FAR2: variants seen among roughly 807,000 people sequenced by gnomAD.
FAR2 encodes fatty acyl-CoA reductase 2, also known as epididymis secretory protein Li 81.
Under a neutral mutation model 56.0 loss-of-function variants are expected in FAR2, and 19 were observed. The ratio of observed to expected loss-of-function variants is 0.34; its 90% CI spans 0.24 to 0.50. FAR2 has a LOEUF of 0.50. Among genes scored for constraint, FAR2 ranks in the 20% least tolerant of loss-of-function variants. The pLI is 0.98. For missense variants in FAR2, 508 were observed against 642.2 expected, an observed-to-expected ratio of 0.79 and a Z score of 2.26; for synonymous variants, 219 against 218.8, an observed-to-expected ratio of 1.00 and a Z score of -0.01.
At chr12:29,204,357 T>G (rs1376644252) in intron 1 of FAR2, among the ~76,000 whole-genome samples, 3 of 152,054 alleles carry the variant, frequency 2.0e-5, no homozygotes, top group Admixed American at 6.5e-5. Flanking sequence ...ACATATAAAA[T>G]GAAACAATGC....
intron 1 of FAR2, among the ~76,000 whole-genome samples, chr12:29,199,609 A>AG (rs1276445102): frequency 2.5e-5 from 2 of 79,372 alleles, no homozygotes; most frequent in South Asian, 3.7e-4. Flanking sequence ...CAAAAAAAAA[A>AG]AAAAAAGAAA....
chr12:29,290,477 G>T (rs1948947774), intron 2 of FAR2, among the ~76,000 whole-genome samples: 1 of 151,772 alleles, frequency 6.6e-6, no homozygotes, highest in Non-Finnish European at 1.5e-5. Flanking sequence ...AATACCATAT[G>T]ATCCAGCAGT....
chr12:29,157,883 A>G (rs961653643), intron 1 of FAR2, among the ~76,000 whole-genome samples: 8 of 152,226 alleles, frequency 5.3e-5, no homozygotes, highest in Admixed American at 1.3e-4. Context: ...AAGAAACCAA[A>G]AGAATCTGCC....
intron 1 of FAR2, among the ~76,000 whole-genome samples, chr12:29,198,511 G>A (rs1947364165): frequency 2.0e-5 from 3 of 152,284 alleles, no homozygotes; most frequent in East Asian, 1.9e-4. Context: ...TCAGGTGTGA[G>A]CCACCGCGCC....
intron 4 of FAR2, among the ~76,000 whole-genome samples, chr12:29,303,619 T>A (rs1211778589): frequency 1.3e-5 from 2 of 152,150 alleles, no homozygotes; most frequent in Non-Finnish European, 2.9e-5. Context: ...CTTATCACAG[T>A]CCTCTGGGAG....
intron 1 of FAR2, among the ~76,000 whole-genome samples, chr12:29,198,562 C>T (rs773358091): frequency 2.0e-4 from 30 of 152,156 alleles, no homozygotes; most frequent in Admixed American, 1.5e-3. Context: ...ATCATACCAT[C>T]TTCCCTTTAT....
At chr12:29,178,955 G>A (rs899506683) in intron 1 of FAR2, among the ~76,000 whole-genome samples, 4 of 152,098 alleles carry the variant, frequency 2.6e-5, no homozygotes. Flanking sequence ...TTCCTTCTGA[G>A]GGCCATCGGG....
chr12:29,323,308 T>G (rs573760762), intron 10 of FAR2, among the ~76,000 whole-genome samples: 1 of 152,326 alleles, frequency 6.6e-6, no homozygotes, highest in East Asian at 1.9e-4. Context: ...CTCTGTAGGC[T>G]CCACCTCTGG....
At chr12:29,303,935 G>A (rs1405115355) in intron 4 of FAR2, among the ~76,000 whole-genome samples, 1 of 152,168 alleles carries the variant, frequency 6.6e-6, no homozygotes, top group Non-Finnish European at 1.5e-5. Flanking sequence ...TCAGCATCTG[G>A]CTCATGTTTG....
intron 1 of FAR2, among the ~76,000 whole-genome samples, chr12:29,203,378 AAGAAGTATTACC>A (rs1185670906): frequency 6.6e-6 from 1 of 152,182 alleles, no homozygotes; most frequent in African/African-American, 2.4e-5. Flanking sequence ...CTCCTTTGCA[AAGAAGTATTACC>A]TAGTTGAGAG....
chr12:29,236,709 G>A (rs545262596), intron 1 of FAR2, among the ~76,000 whole-genome samples: 16 of 152,244 alleles, frequency 1.1e-4, no homozygotes, highest in East Asian at 3.9e-4. Flanking sequence ...TCCCTCCCTC[G>A]ACACCTGGGG....
intron 10 of FAR2, among the ~76,000 whole-genome samples, chr12:29,332,114 T>C (rs1019787010): frequency 6.6e-6 from 1 of 152,146 alleles, no homozygotes; most frequent in Non-Finnish European, 1.5e-5. Flanking sequence ...TGGTAACTTA[T>C]TCCTTAAGGC....
At chr12:29,298,492 T>C (rs1180729249) in intron 4 of FAR2, among the ~76,000 whole-genome samples, 2 of 152,200 alleles carry the variant, frequency 1.3e-5, no homozygotes, top group African/African-American at 4.8e-5. Context: ...TGAGAATAGA[T>C]ATTTTTGTCT....
At chr12:29,186,584 C>A (rs1394369780) in intron 1 of FAR2, among the ~76,000 whole-genome samples, 1 of 151,978 alleles carries the variant, frequency 6.6e-6, no homozygotes, top group Non-Finnish European at 1.5e-5. Flanking sequence ...TTTTTTAGGT[C>A]TGAAGCTAAA....
chr12:29,308,305 T>C (rs1949286601), intron 5 of FAR2, among the ~76,000 whole-genome samples: 1 of 152,166 alleles, frequency 6.6e-6, no homozygotes, highest in South Asian at 2.1e-4. Context: ...AATTATACCA[T>C]CTTCTTGAAA....
At chr12:29,272,451 C>A (rs894531470) in intron 2 of FAR2, among the ~76,000 whole-genome samples, 1 of 152,206 alleles carries the variant, frequency 6.6e-6, no homozygotes, top group Non-Finnish European at 1.5e-5. Context: ...TGCCTTACGA[C>A]ATTGTTGTGC....
chr12:29,309,265 T>C (rs201942839), intron 6 of FAR2, 35 bp downstream of exon 6: 2 of 1,510,382 alleles, frequency 1.3e-6, no homozygotes, highest in Non-Finnish European at 1.8e-6. Context: ...CTCCCTGAAA[T>C]GTAGTAGAGA....
intron 1 of FAR2, among the ~76,000 whole-genome samples, chr12:29,201,518 A>G (rs1947411827): frequency 6.6e-6 from 1 of 152,182 alleles, no homozygotes. Flanking sequence ...CTCTATATGT[A>G]GACTTGAGTC....
chr12:29,321,091 T>C (rs528396245), intron 9 of FAR2, among the ~76,000 whole-genome samples: 1 of 151,916 alleles, frequency 6.6e-6, no homozygotes, highest in Non-Finnish European at 1.5e-5. Flanking sequence ...ACAAGAAGTT[T>C]TTTTTTTTTT....
Sources: gnomAD v4.1 joint callset for allele counts (sites outside exome capture counted in the v4.1 genomes callset) on GRCh38, gnomAD v4.1.1 for gene constraint, MANE v1.5 for transcripts, NCBI Gene and HGNC (gene_info 2026-07-23, HGNC 2026-07-21) for gene names.